The following VRK3 variants were observed in gnomAD, a reference collection of about 807,000 sequenced individuals.
VRK3 encodes the protein serine/threonine-protein kinase VRK3.
A neutral mutation model predicts 60.4 loss-of-function variants in VRK3; 50 were observed. The observed-to-expected ratio is 0.83, with a 90% CI of 0.66 to 1.05. VRK3 has a LOEUF of 1.05. VRK3 is among the 50% of genes least tolerant of loss of function. VRK3 has a pLI of 0.00. For missense variants in VRK3, 549 were observed against 585.3 expected (o/e 0.94, Z 0.64); for synonymous variants, 246 against 227.8 (o/e 1.08, Z -0.72).
chr19:50,023,873 G>A (rs574735637), intron 1 of VRK3, among the ~76,000 whole-genome samples: 2 of 152,232 alleles, frequency 1.3e-5, no homozygotes, highest in Non-Finnish European at 2.9e-5. Context: ...CTTAGAAGCA[G>A]ATCAGTACAG....
chr19:49,993,669 G>A (rs1682194972), intron 9 of VRK3, among the ~76,000 whole-genome samples: 1 of 152,090 alleles, frequency 6.6e-6, no homozygotes, highest in South Asian at 2.1e-4. Context: ...CAAAGTGCTG[G>A]GATTACTGGC....
chr19:50,022,938 C>T (rs1298516116), intron 1 of VRK3, among the ~76,000 whole-genome samples: 1 of 151,808 alleles, frequency 6.6e-6, no homozygotes, highest in Non-Finnish European at 1.5e-5. Flanking sequence ...CTGCCACTTC[C>T]CTGTTCCCTC....
intron 3 of VRK3, 117 bp downstream of exon 3, chr19:50,015,907 C>T (rs1410733630): frequency 7.7e-6 from 11 of 1,423,566 alleles, no homozygotes; most frequent in Non-Finnish European, 1.1e-5. Context: ...GAGGCCTGGG[C>T]TTCTCCAGTG....
rs560095921 is a variant in VRK3, at chr19:50,022,471, CCTGT to C, written c.-64-1828_-64-1825del. ...GATCCACTTAAAATCTAAGTCAGAC[CCTGT>C]CTGTGTCCCTGCCCTGGCCCATATG... On this transcript the variant is annotated intron_variant, in intron 1 of 14. Transcript: ENST00000316763. Among the ~76,000 whole-genome samples, 6 of 152,248 alleles carry C rather than the reference CCTGT, an allele frequency of 3.9e-5. No homozygotes were observed. The South Asian group carries it at 1.2e-3, about 32-fold the overall frequency.
At chr19:50,000,761 A>C in intron 6 of VRK3, 29 bp downstream of exon 6, 1 of 1,599,046 alleles carries the variant, frequency 6.3e-7, no homozygotes, top group South Asian at 1.1e-5. Flanking sequence ...CTCCCCTCCA[A>C]GCTGCCCCCC....
At chr19:49,995,681 C>A (rs1600679583) in intron 7 of VRK3, among the ~76,000 whole-genome samples, 1 of 152,192 alleles carries the variant, frequency 6.6e-6, no homozygotes, top group Non-Finnish European at 1.5e-5. Flanking sequence ...GAACCAATGG[C>A]GAGCTGATGC....
intron 12 of VRK3, among the ~76,000 whole-genome samples, chr19:49,983,902 G>A (rs1258272612): frequency 2.0e-5 from 3 of 152,058 alleles, no homozygotes; most frequent in Non-Finnish European, 4.4e-5. Flanking sequence ...TGTCAACATT[G>A]CCAGCTACTC....
At chr19:49,990,214 T>G (rs2123096095) in intron 10 of VRK3, among the ~76,000 whole-genome samples, 1 of 152,284 alleles carries the variant, frequency 6.6e-6, no homozygotes, top group South Asian at 2.1e-4. Context: ...CTGGTGGCGG[T>G]ACAACCTTGG....
intron 5 of VRK3, among the ~76,000 whole-genome samples, chr19:50,006,319 A>AT (rs1471745646): frequency 6.0e-5 from 9 of 150,622 alleles, no homozygotes; most frequent in African/African-American, 2.2e-4. Context: ...CAAAAAAATA[A>AT]AAAATAATAA....
chr19:49,994,917 A>G lies in VRK3; in HGVS notation c.767T>C (p.Phe256Ser), dbSNP rs1180876366. ...CCTCCCCAGGCTGGGTAACACCAAG[A>G]ACCTGGAAGACACAAGCACCCCAGG... The part of the protein sequence containing the change: ...GFGVHQDKYR[F>S]LVLPSLGRSL... The change falls in exon 9 of 15, where the codon TTC (phenylalanine) becomes TCC (serine). Residue 256 changes from phenylalanine to serine, a missense_variant and splice_region_variant. Transcript: ENST00000316763. 1 of 1,613,684 alleles carries G rather than the reference A, an allele frequency of 6.2e-7. No individual in the cohort carries two copies. The highest frequency in any genetic ancestry group is 1.3e-5 in the African/African-American group (1 of 74,894).
At chr19:50,007,991 A>G (rs1468733314) in intron 4 of VRK3, among the ~76,000 whole-genome samples, 165 bp from the exon 5 acceptor site, 1 of 152,182 alleles carries the variant, frequency 6.6e-6, no homozygotes, top group Non-Finnish European at 1.5e-5. Flanking sequence ...ATGTTGGGGC[A>G]CCAGATAGGA....
chr19:50,019,366 C>CCTTTTTTTTT (rs1555854630), intron 2 of VRK3: 1 of 148,614 alleles, frequency 6.7e-6, no homozygotes. Context: ...CCATGCCTGG[C>CCTTTTTTTTT]TAATTAAAAA....
intron 1 of VRK3, among the ~76,000 whole-genome samples, chr19:50,021,722 G>A (rs1219928909): frequency 6.6e-6 from 1 of 152,230 alleles, no homozygotes; most frequent in Non-Finnish European, 1.5e-5. Flanking sequence ...TGAATTGTGG[G>A]ACGATTTGTT....
chr19:49,985,208 C>T (rs933860297), intron 12 of VRK3, among the ~76,000 whole-genome samples: 3 of 152,258 alleles, frequency 2.0e-5, no homozygotes, highest in East Asian at 3.9e-4. Context: ...TTCTGTGACT[C>T]GTTTTCACCT....
intron 10 of VRK3, 22 bp downstream of exon 10, chr19:49,992,838 G>A (rs778428986): frequency 5.0e-6 from 8 of 1,609,864 alleles, no homozygotes; most frequent in Non-Finnish European, 5.1e-6. Flanking sequence ...ATCTTCCAGA[G>A]TGGGCAGGAG....
intron 5 of VRK3, among the ~76,000 whole-genome samples, chr19:50,005,346 C>T (rs908320668): frequency 6.7e-6 from 1 of 149,354 alleles, no homozygotes; most frequent in Non-Finnish European, 1.5e-5. Flanking sequence ...AAATTGTCTA[C>T]GTGCCTGTCT....
chr19:50,018,863 T>C (rs771371307), intron 2 of VRK3, among the ~76,000 whole-genome samples: 25 of 151,912 alleles, frequency 1.6e-4, no homozygotes, highest in Admixed American at 2.6e-4. Context: ...TGTACCCAGG[T>C]AAATTAAAAA....
chr19:50,015,878 G>A, intron 3 of VRK3, 146 bp downstream of exon 3: 2 of 1,041,608 alleles, frequency 1.9e-6, no homozygotes, highest in Non-Finnish European at 2.8e-6. Context: ...ACTGATGGTA[G>A]ACAGAGGGGT....
chr19:49,995,438 A>G (rs962346357), intron 7 of VRK3, among the ~76,000 whole-genome samples, 163 bp from the exon 8 acceptor site: 2 of 152,204 alleles, frequency 1.3e-5, no homozygotes, highest in Non-Finnish European at 2.9e-5. Flanking sequence ...GGGGCTGGTG[A>G]CAGGGCAGGC....
Sources: allele counts gnomAD v4.1 joint callset (sites outside exome capture counted in the v4.1 genomes callset), GRCh38; gene constraint gnomAD v4.1.1; transcripts MANE v1.5; gene names NCBI Gene and HGNC (gene_info 2026-07-23, HGNC 2026-07-21).